The following FOLH1 variants were observed in gnomAD, a reference collection of about 807,000 sequenced individuals.
FOLH1 encodes glutamate carboxypeptidase 2.
FOLH1 carries 54 observed loss-of-function variants against 93.9 expected under a neutral mutation model. The ratio of observed to expected loss-of-function variants is 0.57; its 90% CI spans 0.46 to 0.72. FOLH1 has a LOEUF of 0.72. FOLH1 is among the 30% of genes least tolerant of loss of function. The pLI, the probability that FOLH1 is intolerant of heterozygous loss-of-function variation, is 0.00. For missense variants in FOLH1, 571 were observed against 892.5 expected, an observed-to-expected ratio of 0.64 and a Z score of 4.59; for synonymous variants, 249 against 303.6, an observed-to-expected ratio of 0.82 and a Z score of 1.87.
At chr11:49,208,180 G>A in intron 1 of FOLH1, 112 bp downstream of exon 1, 1 of 785,554 alleles carries the variant, frequency 1.3e-6, no homozygotes, top group Non-Finnish European at 2.0e-6. Flanking sequence ...CCTAATCGCC[G>A]CCCCTGGGGA....
At chr11:49,180,901 C>G (rs921065356) in intron 7 of FOLH1, among the ~76,000 whole-genome samples, 2 of 152,018 alleles carry the variant, frequency 1.3e-5, no homozygotes, top group Admixed American at 1.3e-4. Flanking sequence ...AAATGGCTTA[C>G]AGAGGCTGAC....
At position 49,208,488 on chromosome 11, in the gene FOLH1, G is replaced by A; in HGVS notation, c.-79C>T. 1 of 984,410 alleles carries A rather than the reference G, an allele frequency of 1.0e-6. No individual in the cohort carries two copies. The highest frequency in any genetic ancestry group is 1.5e-6 in the Non-Finnish European group (1 of 660,292). 61.0% of individuals were successfully genotyped at this position (984,410 alleles called of 1,614,324 possible). On this transcript the variant is annotated 5_prime_UTR_variant, in exon 1 of 19. Transcript: ENST00000256999. ...CTGCGCGCCCTCCAACCACCACGGC[G>A]GGGTAAAGTCTCTCTCAATCTCACT...
At chr11:49,197,515 T>C (rs1862748405) in intron 3 of FOLH1, among the ~76,000 whole-genome samples, 1 of 152,230 alleles carries the variant, frequency 6.6e-6, no homozygotes, top group Admixed American at 6.5e-5. Context: ...TGGGATGTTA[T>C]TTCTGCATAA....
intron 14 of FOLH1, among the ~76,000 whole-genome samples, chr11:49,157,038 GT>G (rs1857111574): frequency 6.6e-6 from 1 of 152,000 alleles, no homozygotes; most frequent in Non-Finnish European, 1.5e-5. Context: ...TTTGTTAAAG[GT>G]TTCTGAAGTT....
Position 49,208,510 on chromosome 11 carries a change from C to G in FOLH1, c.-101G>C. 1 of 756,144 alleles carries G rather than the reference C, an allele frequency of 1.3e-6. No homozygotes were observed. Among genetic ancestry groups the G allele is most frequent in the Non-Finnish European group, 2.1e-6 (1 of 467,990 alleles). 46.8% of individuals were successfully genotyped at this position (756,144 alleles called of 1,614,324 possible). A position where few individuals can be genotyped will look rare whatever the true frequency, so the allele number is the denominator to read the frequency against. On this transcript the variant is annotated 5_prime_UTR_variant, in exon 1 of 19. Coordinates refer to ENST00000256999, the MANE Select transcript of FOLH1 (RefSeq NM_004476.3). ...GGCGGGGTAAAGTCTCTCTCAATCT[C>G]ACTAATGCCTCGCTTATCAGCCCTG...
At chr11:49,196,068 T>G (rs202695) in intron 3 of FOLH1, among the ~76,000 whole-genome samples, 34,312 of 151,638 alleles carry the variant, frequency 0.23, 4,277 homozygotes, top group African/African-American at 0.33. Flanking sequence ...GTGGGAGAAT[T>G]GCTTGAACCC....
intron 15 of FOLH1, among the ~76,000 whole-genome samples, chr11:49,154,931 T>G (rs2134902901): frequency 6.6e-6 from 1 of 151,964 alleles, no homozygotes; most frequent in Middle Eastern, 3.4e-3. Flanking sequence ...CATGGATAAA[T>G]GATTGTCTGA....
intron 2 of FOLH1, among the ~76,000 whole-genome samples, chr11:49,201,812 G>A (rs1447803717): frequency 6.6e-6 from 1 of 152,204 alleles, no homozygotes; most frequent in Non-Finnish European, 1.5e-5. Context: ...CTATGCCTCT[G>A]TCCCTATAAG....
intron 4 of FOLH1, among the ~76,000 whole-genome samples, chr11:49,188,317 C>G (rs1213372162): frequency 6.6e-6 from 1 of 151,860 alleles, no homozygotes; most frequent in African/African-American, 2.4e-5. Context: ...GAGTTCAAGA[C>G]CAGCCTGGCC....
intron 17 of FOLH1, among the ~76,000 whole-genome samples, chr11:49,150,239 G>A (rs758649920): frequency 5.5e-4 from 83 of 152,252 alleles, no homozygotes; most frequent in Non-Finnish European, 9.6e-4. Context: ...AATGTCAATT[G>A]TAAATTTTAA....
intron 6 of FOLH1, among the ~76,000 whole-genome samples, chr11:49,184,168 G>C (rs1422577294): frequency 6.6e-6 from 1 of 152,120 alleles, no homozygotes; most frequent in Non-Finnish European, 1.5e-5. Flanking sequence ...ATGATATGCT[G>C]TGTGGGATTT....
intron 3 of FOLH1, among the ~76,000 whole-genome samples, chr11:49,195,623 T>C: frequency 6.6e-6 from 1 of 151,974 alleles, no homozygotes; most frequent in African/African-American, 2.4e-5. Context: ...AAGCCAAAGT[T>C]TATTCTTTGG....
At chr11:49,185,456 A>G in intron 6 of FOLH1, 2 of 595,632 alleles carry the variant, frequency 3.4e-6, no homozygotes, top group Admixed American at 3.2e-5. Context: ...AAATAGCTGA[A>G]TAAGTCTGAA....
At chr11:49,157,913 C>T (rs777479466) in intron 14 of FOLH1, 39 bp downstream of exon 14, 2 of 1,511,426 alleles carry the variant, frequency 1.3e-6, no homozygotes, top group South Asian at 1.3e-5. Context: ...CAAAACAATC[C>T]CACACTGAAT....
At chr11:49,149,660 G>A (rs574099644) in intron 17 of FOLH1, among the ~76,000 whole-genome samples, 3 of 152,048 alleles carry the variant, frequency 2.0e-5, no homozygotes, top group Non-Finnish European at 4.4e-5. Flanking sequence ...CTTGTAGAGT[G>A]AGCATCATTC....
At chr11:49,173,032 G>A (rs1234636170) in intron 10 of FOLH1, among the ~76,000 whole-genome samples, 2 of 152,180 alleles carry the variant, frequency 1.3e-5, no homozygotes, top group Non-Finnish European at 2.9e-5. Context: ...TGACTAGGAA[G>A]CTTTGGCTTA....
At chr11:49,185,416 T>A (rs1861251174) in intron 6 of FOLH1, among the ~76,000 whole-genome samples, 2 of 152,320 alleles carry the variant, frequency 1.3e-5, no homozygotes, top group African/African-American at 4.8e-5. Context: ...ATGCAAGTTA[T>A]GGTATATGTG....
At chr11:49,202,813 G>A (rs1863428218) in intron 2 of FOLH1, among the ~76,000 whole-genome samples, 1 of 152,184 alleles carries the variant, frequency 6.6e-6, no homozygotes, top group Non-Finnish European at 1.5e-5. Context: ...ACTACCTACT[G>A]GGGAGGCTGG....
intron 16 of FOLH1, 55 bp downstream of exon 16, chr11:49,154,173 A>G: frequency 6.3e-7 from 1 of 1,587,610 alleles, no homozygotes; most frequent in South Asian, 1.2e-5. Context: ...CATTATATTT[A>G]GGAGATTAAT....
Sources: allele counts gnomAD v4.1 joint callset (sites outside exome capture counted in the v4.1 genomes callset), GRCh38; gene constraint gnomAD v4.1.1; transcripts MANE v1.5; gene names NCBI Gene and HGNC (gene_info 2026-07-23, HGNC 2026-07-21).